The following ELAVL1 variants were observed in gnomAD, a reference collection of about 807,000 sequenced individuals.
The protein encoded by ELAVL1 is ELAV like RNA binding protein 1.
Under a neutral mutation model 28.4 loss-of-function variants are expected in ELAVL1, and 1 was observed. The observed-to-expected ratio is 0.04, with a 90% CI of 0.01 to 0.17. The LOEUF (loss-of-function observed/expected upper bound fraction) is 0.17, where lower values mean the gene tolerates loss of function less well. ELAVL1 is among the 10% of genes least tolerant of loss of function. ELAVL1 has a pLI of 1.00. For synonymous variants in ELAVL1, 174 were observed against 183.5 expected, an observed-to-expected ratio of 0.95 and a Z score of 0.42; for missense variants, 157 against 447.2, an observed-to-expected ratio of 0.35 and a Z score of 5.85.
At chr19:7,999,233 C>T (rs916261848) in intron 1 of ELAVL1, among the ~76,000 whole-genome samples, 1 of 152,116 alleles carries the variant, frequency 6.6e-6, no homozygotes, top group Non-Finnish European at 1.5e-5. Flanking sequence ...ATTAGCTGGG[C>T]GTGATGGTGC....
In ELAVL1 at chr19:7,979,710, G is replaced by A. The variant is rs1985400270; in HGVS notation, c.276+1373C>T. On this transcript the variant is annotated intron_variant, in intron 3 of 5. Coordinates refer to ENST00000407627, the MANE Select transcript of ELAVL1 (RefSeq NM_001419.3). This position sits in a 1 kb window ranked among gnomAD's most constrained non-coding sequence, Gnocchi z 5.4. Reference sequence around the variant, plus strand: ...CTCTGAGGACCTGCACTGGACACGAGGAGGCAGGAGTGGCGCGCCTGCCCT... The same window carrying A: ...CTCTGAGGACCTGCACTGGACACGAAGAGGCAGGAGTGGCGCGCCTGCCCT... Among the ~76,000 whole-genome samples, 1 of 152,216 alleles carries A rather than the reference G, an allele frequency of 6.6e-6. No homozygotes were observed. The highest frequency in any genetic ancestry group is 2.4e-5 in the African/African-American group (1 of 41,456).
chr19:7,977,368 GA>G (rs1355913501), intron 3 of ELAVL1, among the ~76,000 whole-genome samples: 2 of 152,112 alleles, frequency 1.3e-5, no homozygotes, highest in East Asian at 1.9e-4. Flanking sequence ...TTCACTACTC[GA>G]AACATCAGCT....
At chr19:7,965,547 TTCC>T (rs1460259963) in intron 5 of ELAVL1, among the ~76,000 whole-genome samples, 1 of 152,048 alleles carries the variant, frequency 6.6e-6, no homozygotes, top group Non-Finnish European at 1.5e-5. Flanking sequence ...TGGGTCTTTC[TTCC>T]TCCTCTTCTC....
intron 4 of ELAVL1, among the ~76,000 whole-genome samples, chr19:7,969,080 T>G (rs1985034054): frequency 6.6e-6 from 1 of 152,146 alleles, no homozygotes; most frequent in African/African-American, 2.4e-5. Flanking sequence ...CTCAAGACTT[T>G]TAGTCAAGCC....
At chr19:7,989,845 A>C (rs1156318073) in intron 2 of ELAVL1, among the ~76,000 whole-genome samples, 1 of 152,242 alleles carries the variant, frequency 6.6e-6, no homozygotes, top group Non-Finnish European at 1.5e-5. Flanking sequence ...CAGTGCCTGC[A>C]TCTGAAGAGC....
intron 1 of ELAVL1, among the ~76,000 whole-genome samples, chr19:7,996,774 C>T (rs923975047): frequency 1.3e-5 from 2 of 152,132 alleles, no homozygotes; most frequent in Admixed American, 1.3e-4. Context: ...GATGGCGCCA[C>T]TGTACTCCAA....
chr19:7,972,471 C>T (rs1985141781), intron 4 of ELAVL1, among the ~76,000 whole-genome samples: 1 of 152,224 alleles, frequency 6.6e-6, no homozygotes, highest in Non-Finnish European at 1.5e-5. Context: ...ATTGCCTGCC[C>T]ATTAGAGGAA....
chr19:7,975,346 G>C (rs1220273550), intron 3 of ELAVL1, among the ~76,000 whole-genome samples: 1 of 152,214 alleles, frequency 6.6e-6, no homozygotes, highest in Non-Finnish European at 1.5e-5. Context: ...CCTGGATGAA[G>C]CCCCAGAGGA....
rs550400345 is a variant in ELAVL1, at chr19:7,981,349, A to T, written c.173-163T>A. Among the ~76,000 whole-genome samples, 1 of 146,410 alleles carries T rather than the reference A, an allele frequency of 6.8e-6. No individual in the cohort carries two copies. The highest frequency in any genetic ancestry group is 1.5e-5 in the Non-Finnish European group (1 of 66,442). On this transcript the variant is annotated intron_variant, in intron 2 of 5. Transcript: ENST00000407627. This position sits in a 1 kb window ranked among gnomAD's most constrained non-coding sequence, Gnocchi z 4.2. Reference sequence around the variant, plus strand: ...CACGTACATTTTCTGCAATGAACACAGGTTCCTTTTTTTTTTTTTTTTTAA... The same window carrying T: ...CACGTACATTTTCTGCAATGAACACTGGTTCCTTTTTTTTTTTTTTTTTAA...
chr19:7,982,544 A>G lies in ELAVL1; in HGVS notation c.173-1358T>C, dbSNP rs1187655994. Among the ~76,000 whole-genome samples, 4 of 152,230 alleles carry G rather than the reference A, an allele frequency of 2.6e-5. No individual in the cohort carries two copies. The highest frequency in any genetic ancestry group is 9.6e-5 in the African/African-American group (4 of 41,470). On this transcript the variant is annotated intron_variant, in intron 2 of 5. Coordinates refer to ENST00000407627, the MANE Select transcript of ELAVL1 (RefSeq NM_001419.3). The surrounding 1 kb of genome is among the most constrained non-coding windows in gnomAD (Gnocchi z 4.3). ...TTTAAAATGAATTTTATTTTTCAGAACAGTTTTAGGTTTACAGAAAAATTA... is the reference window on the plus strand; with the variant it reads ...TTTAAAATGAATTTTATTTTTCAGAGCAGTTTTAGGTTTACAGAAAAATTA...
In ELAVL1 at chr19:7,963,927, G is replaced by A. The variant is rs1984879865; in HGVS notation, c.657-120C>T. 2 of 1,141,426 alleles carry A rather than the reference G, an allele frequency of 1.8e-6. No individual in the cohort carries two copies. The highest frequency in any genetic ancestry group is 2.4e-6 in the Non-Finnish European group (2 of 823,822). The allele number at this position is 1,141,426 out of a possible 1,614,324, so 70.7% of individuals were successfully genotyped here. Reference sequence around the variant, plus strand: ...CCCATCCCGCTCTGCGCAGCCACGAGGTGCTCACGGTTGAGACACCTGCAT... The same window carrying A: ...CCCATCCCGCTCTGCGCAGCCACGAAGTGCTCACGGTTGAGACACCTGCAT... On this transcript the variant is annotated intron_variant, in intron 5 of 5. Coordinates refer to ENST00000407627, the MANE Select transcript of ELAVL1 (RefSeq NM_001419.3). This position sits in a 1 kb window ranked among gnomAD's most constrained non-coding sequence, Gnocchi z 4.5.
In ELAVL1 at chr19:7,979,764, GC is replaced by G. The variant is rs1287750112; in HGVS notation, c.276+1318del. On this transcript the variant is annotated intron_variant, in intron 3 of 5. Transcript: ENST00000407627. This position sits in a 1 kb window ranked among gnomAD's most constrained non-coding sequence, Gnocchi z 5.4. ...GGAGCCCACTGCACACCACGTCCAT[GC>G]GGCATGGGGCAGGTCTGGGAGAGCT... Among the ~76,000 whole-genome samples, 2 of 152,232 alleles carry G rather than the reference GC, an allele frequency of 1.3e-5. No individual in the cohort carries two copies. The highest frequency in any genetic ancestry group is 2.4e-5 in the African/African-American group (1 of 41,458).
chr19:7,964,033 G>A (rs1474446113), intron 5 of ELAVL1, among the ~76,000 whole-genome samples: 2 of 152,140 alleles, frequency 1.3e-5, no homozygotes, highest in South Asian at 2.1e-4. Context: ...CTGAGGGGCT[G>A]GTTGGTGCCC....
chr19:7,983,336 A>C (rs1288993177), intron 2 of ELAVL1, among the ~76,000 whole-genome samples: 1 of 152,160 alleles, frequency 6.6e-6, no homozygotes, highest in Non-Finnish European at 1.5e-5. Context: ...CCAGGTCAGG[A>C]CTGCCAGGGC....
intron 2 of ELAVL1, among the ~76,000 whole-genome samples, chr19:7,983,021 C>T (rs1985503660): frequency 6.6e-6 from 1 of 152,204 alleles, no homozygotes; most frequent in Non-Finnish European, 1.5e-5. Flanking sequence ...GACTCCCACC[C>T]CTTTCCACAC....
intron 1 of ELAVL1, among the ~76,000 whole-genome samples, chr19:7,998,790 T>A (rs1348901438): frequency 6.6e-6 from 1 of 151,630 alleles, no homozygotes; most frequent in Non-Finnish European, 1.5e-5. Context: ...GCCTCCCAGC[T>A]CACTTCTATT....
At chr19:7,973,374 G>A (rs898956608) in intron 4 of ELAVL1, 1 of 376,340 alleles carries the variant, frequency 2.7e-6, no homozygotes, top group African/African-American at 2.1e-5. Context: ...GGGACTACAG[G>A]CGCCCGCCAC....
Position 7,981,388 on chromosome 19 carries a change from T to C in ELAVL1, c.173-202A>G, listed in dbSNP as rs986419016. Among the ~76,000 whole-genome samples the C allele has an allele frequency of 2.6e-5, 4 of 151,504 alleles. No individual in the cohort carries two copies. Among genetic ancestry groups the C allele is most frequent in the African/African-American group, 9.7e-5 (4 of 41,200 alleles). Reference sequence around the variant, plus strand: ...TTTTTTTTTTAAAGAGATAGGATCTTGCTCTGTCACCCAGGGTGGAGTCCA... The same window carrying C: ...TTTTTTTTTTAAAGAGATAGGATCTCGCTCTGTCACCCAGGGTGGAGTCCA... On this transcript the variant is annotated intron_variant, in intron 2 of 5. Coordinates refer to ENST00000407627, the MANE Select transcript of ELAVL1 (RefSeq NM_001419.3). The surrounding 1 kb of genome is among the most constrained non-coding windows in gnomAD (Gnocchi z 4.2).
At chr19:7,977,496 C>T (rs574700013) in intron 3 of ELAVL1, among the ~76,000 whole-genome samples, 11 of 152,214 alleles carry the variant, frequency 7.2e-5, no homozygotes, top group Non-Finnish European at 1.2e-4. Flanking sequence ...GTGTGGCACA[C>T]AGGGACCCAG....
Sources: gnomAD v4.1 joint callset for allele counts (sites outside exome capture counted in the v4.1 genomes callset) on GRCh38, gnomAD v4.1.1 for gene constraint, Gnocchi (gnomAD v3.1) non-coding constraint, MANE v1.5 for transcripts, NCBI Gene and HGNC (gene_info 2026-07-23, HGNC 2026-07-21) for gene names.